The following ADH1C variants were observed in gnomAD, a reference collection of about 807,000 sequenced individuals.
ADH1C encodes the protein alcohol dehydrogenase 1C.
ADH1C carries 26 observed loss-of-function variants against 35.0 expected under a neutral mutation model. That is an observed-to-expected ratio of 0.74 (90% confidence interval 0.54 to 1.03). ADH1C has a LOEUF of 1.03. Ranked by LOEUF, ADH1C falls within the 50% of genes least tolerant of loss-of-function variation. The pLI, the probability that ADH1C is intolerant of heterozygous loss-of-function variation, is 0.00. For missense variants in ADH1C, 413 were observed against 465.4 expected, an observed-to-expected ratio of 0.89 and a Z score of 1.04; for synonymous variants, 170 against 169.3, an observed-to-expected ratio of 1.00 and a Z score of -0.03.
At chr4:99,337,456 A>T (rs1359961491) in intron 8 of ADH1C, among the ~76,000 whole-genome samples, 2 of 152,152 alleles carry the variant, frequency 1.3e-5, no homozygotes, top group Non-Finnish European at 2.9e-5. Flanking sequence ...ATTTGTATTA[A>T]TTCTAAGCTA....
chr4:99,336,559 T>C lies in ADH1C; in HGVS notation c.*193A>G. 1 of 712,672 alleles carries C rather than the reference T, an allele frequency of 1.4e-6. No individual in the cohort carries two copies. Among genetic ancestry groups the C allele is most frequent in the Non-Finnish European group, 2.3e-6 (1 of 426,524 alleles). 44.1% of individuals were successfully genotyped at this position (712,672 alleles called of 1,614,324 possible). ...GTTGATGTTCAACACTTTATTTAGT[T>C]CTCATTTGGATTTTAAACATTTGCT... On this transcript the variant is annotated 3_prime_UTR_variant, in exon 9 of 9. Coordinates refer to ENST00000515683, the MANE Select transcript of ADH1C (RefSeq NM_000669.5).
chr4:99,337,736 A>G (rs1734310978), intron 8 of ADH1C, among the ~76,000 whole-genome samples: 1 of 152,102 alleles, frequency 6.6e-6, no homozygotes, highest in Non-Finnish European at 1.5e-5. Context: ...CTTGAATTCT[A>G]TCAGCTTTTT....
At position 99,347,125 on chromosome 4, in the gene ADH1C, C is replaced by A; in HGVS notation, c.140G>T (p.Cys47Phe). The A allele has an allele frequency of 6.2e-7, 1 of 1,613,700 alleles. No individual in the cohort carries two copies. The highest frequency in any genetic ancestry group is 8.5e-7 in the Non-Finnish European group (1 of 1,179,842). The change falls in exon 3 of 9, where the codon TGT (cysteine) becomes TTT (phenylalanine). Residue 47 changes from cysteine to phenylalanine, a missense_variant. Coordinates refer to ENST00000515683, the MANE Select transcript of ADH1C (RefSeq NM_000669.5). ...VRIKMVAAGI[C>F]RSDEHVVSGN... ...ACTAACCACATGCTCATCTGAACGA[C>A]AGATTCCTGCAGCCACCATCTACAG...
intron 8 of ADH1C, among the ~76,000 whole-genome samples, chr4:99,337,006 G>C (rs1022478124): frequency 3.9e-5 from 6 of 151,962 alleles, no homozygotes; most frequent in African/African-American, 1.5e-4. Context: ...TCCTGAGTAT[G>C]CCTGTCATTT....
Position 99,345,003 on chromosome 4 carries a change from G to A in ADH1C, c.426C>T (p.Val142=), listed in dbSNP as rs375271816. Reference sequence around the variant, plus strand: ...TGTACTGGGAGAAGGTGCTGACGCCGACGAAGTGGTGGATGGGCTTCCCGC... The same window carrying A: ...TGTACTGGGAGAAGGTGCTGACGCCAACGAAGTGGTGGATGGGCTTCCCGC... The part of the protein sequence containing the change: ...TCSGKPIHHF[V]GVSTFSQYTV... The change falls in exon 5 of 9, where the codon GTC becomes GTT. Residue 142 remains valine (V), a synonymous_variant. Coordinates refer to ENST00000515683, the MANE Select transcript of ADH1C (RefSeq NM_000669.5). 14 of 1,614,030 alleles carry A rather than the reference G, an allele frequency of 8.7e-6. No homozygotes were observed. The highest frequency in any genetic ancestry group is 5.0e-5 in the Admixed American group (3 of 59,998).
intron 1 of ADH1C, among the ~76,000 whole-genome samples, chr4:99,348,310 T>C (rs1199410531): frequency 7.4e-6 from 1 of 135,956 alleles, no homozygotes; most frequent in Non-Finnish European, 1.5e-5. Context: ...CAGAGTGTGA[T>C]ATTCCCCTTC....
intron 1 of ADH1C, 68 bp downstream of exon 1, chr4:99,352,590 A>G: frequency 7.4e-7 from 1 of 1,353,260 alleles, no homozygotes; most frequent in Non-Finnish European, 1.0e-6. Flanking sequence ...TTCATTATTA[A>G]TACTGTATTC....
At chr4:99,336,841 T>A in intron 8 of ADH1C, 65 bp from the exon 9 acceptor site, 2 of 1,601,660 alleles carry the variant, frequency 1.2e-6, no homozygotes, top group East Asian at 2.2e-5. Context: ...CATGTGATAG[T>A]CCAAGGAGTA....
At chr4:99,348,674 C>T (rs1447616390) in intron 1 of ADH1C, among the ~76,000 whole-genome samples, 19 of 149,642 alleles carry the variant, frequency 1.3e-4, no homozygotes, top group Non-Finnish European at 1.5e-4. Context: ...ATGGTATTTC[C>T]AGTTCTAGAT....
chr4:99,338,322 C>T (rs916936292), intron 8 of ADH1C, among the ~76,000 whole-genome samples: 3 of 142,836 alleles, frequency 2.1e-5, no homozygotes, highest in Admixed American at 7.1e-5. Flanking sequence ...TTGCCATCAT[C>T]TTATCAATTC....
intron 5 of ADH1C, 102 bp from the exon 6 acceptor site, chr4:99,343,157 G>C: frequency 6.8e-7 from 1 of 1,476,980 alleles, no homozygotes; most frequent in South Asian, 1.3e-5. Context: ...GAACTACTCA[G>C]ACTCTTCTGT....
At position 99,347,002 on chromosome 4, in the gene ADH1C, G is replaced by A; in HGVS notation, c.259+4C>T. 6.2e-7 allele frequency: 1 copy of A among 1,613,422 alleles called. No homozygotes were observed. Among genetic ancestry groups the A allele is most frequent in the Non-Finnish European group, 8.5e-7 (1 of 1,179,714 alleles). On this transcript the variant is annotated splice_donor_region_variant and intron_variant, in intron 3 of 8. Transcript: ENST00000515683. ...GGCATGTTCCCTGAGTGTGAATCCT[G>A]TACCTGGTTTGACTGTAGTCACCCC...
chr4:99,344,079 C>G (rs1693424), intron 5 of ADH1C, among the ~76,000 whole-genome samples: 47,504 of 152,068 alleles, frequency 0.31, 8,863 homozygotes, highest in Non-Finnish European at 0.41. Flanking sequence ...TGTGATTTGA[C>G]ATTCAGCAGG....
intron 3 of ADH1C, among the ~76,000 whole-genome samples, chr4:99,346,594 C>G (rs1042160759): frequency 7.2e-5 from 11 of 152,100 alleles, no homozygotes; most frequent in Admixed American, 3.3e-4. Flanking sequence ...GTGAACTCAG[C>G]ACAGAACAGT....
chr4:99,337,607 G>GTA (rs1248303087), intron 8 of ADH1C, among the ~76,000 whole-genome samples: 5 of 151,922 alleles, frequency 3.3e-5, no homozygotes, highest in East Asian at 1.9e-4. Flanking sequence ...TGTGGTGTGT[G>GTA]TATATATATA....
At chr4:99,341,116 G>A (rs1370540974) in intron 6 of ADH1C, among the ~76,000 whole-genome samples, 3 of 152,152 alleles carry the variant, frequency 2.0e-5, no homozygotes, top group Non-Finnish European at 4.4e-5. Flanking sequence ...TTTTGATGAT[G>A]AACAAGATAA....
In ADH1C at chr4:99,339,609, A is replaced by G. The variant is rs367912102; in HGVS notation, c.1071T>C (p.Asn357=). ...ITNILPFEKI[N]EGFDLLRSGK... ...CAGAGCGAAGCAGGTCAAATCCTTC[A>G]TTTATTTTTTCAAAAGGTAAAATAT... Residue 357 remains asparagine (N), a synonymous_variant, in exon 8 of 9, where the codon AAT becomes AAC. Coordinates refer to ENST00000515683, the MANE Select transcript of ADH1C (RefSeq NM_000669.5). The G allele has an allele frequency of 1.1e-5, 17 of 1,602,998 alleles. No homozygotes were observed. Among genetic ancestry groups the G allele is most frequent in the Non-Finnish European group, 1.4e-5 (17 of 1,175,076 alleles).
In ADH1C at chr4:99,352,539, T is replaced by C. The variant is rs965552163; in HGVS notation, c.18+119A>G. On this transcript the variant is annotated intron_variant, in intron 1 of 8. Coordinates refer to ENST00000515683, the MANE Select transcript of ADH1C (RefSeq NM_000669.5). ...TAATTTAGATATGAATTTTAAATTA[T>C]TCATCATCTAATTTAGATATGAATT... is the stretch of plus-strand genomic sequence containing the variant. 46 of 700,364 alleles carry C rather than the reference T, an allele frequency of 6.6e-5. No homozygotes were observed. The South Asian group carries it at 1.1e-3, about 17-fold the overall frequency. The allele number at this position is 700,364 out of a possible 1,614,324, so 43.4% of individuals were successfully genotyped here.
At position 99,352,702 on chromosome 4, in the gene ADH1C, G is replaced by C; in HGVS notation, c.-27C>G. ...TTGATTCTGTCTTCTCTGCAGACCA[G>C]GAGGCTGGTGAGTACTTGTGGATTT... On this transcript the variant is annotated 5_prime_UTR_variant, in exon 1 of 9. Transcript: ENST00000515683. 6.2e-7 allele frequency: 1 copy of C among 1,612,444 alleles called. No individual in the cohort carries two copies. The highest frequency in any genetic ancestry group is 2.2e-5 in the East Asian group (1 of 44,814).
Sources: allele counts gnomAD v4.1 joint callset (sites outside exome capture counted in the v4.1 genomes callset), GRCh38; gene constraint gnomAD v4.1.1; transcripts MANE v1.5; gene names NCBI Gene and HGNC (gene_info 2026-07-23, HGNC 2026-07-21).